Variants in NRXN1 observed in about 807,000 individuals in gnomAD.
The protein encoded by NRXN1 is neurexin 1.
Under a neutral mutation model 150.9 loss-of-function variants are expected in NRXN1, and 39 were observed. That is an observed-to-expected ratio of 0.26 (90% CI 0.20 to 0.34). The LOEUF (loss-of-function observed/expected upper bound fraction) is 0.34, where lower values mean the gene tolerates loss of function less well. Among genes scored for constraint, NRXN1 ranks in the 10% least tolerant of loss-of-function variants. The probability of loss-of-function intolerance (pLI) is 1.00; values close to 1 mark genes in which losing one functional copy is unlikely to be tolerated. For synonymous variants in NRXN1, 924 were observed against 757.0 expected (o/e 1.22, Z -3.62); for missense variants, 1,815 against 1,949.9 (o/e 0.93, Z 1.30).
At chr2:50,087,972 A>C (rs772301717) in intron 19 of NRXN1, among the ~76,000 whole-genome samples, 7 of 152,154 alleles carry the variant, frequency 4.6e-5, no homozygotes, top group Non-Finnish European at 8.8e-5. Context: ...TTCAATCCTT[A>C]TTACCTATAT....
chr2:49,974,510 T>C (rs1002719011), intron 21 of NRXN1, among the ~76,000 whole-genome samples: 2 of 152,200 alleles, frequency 1.3e-5, no homozygotes, highest in African/African-American at 4.8e-5. Context: ...TCCCCAGCCC[T>C]TAAACTGTTA....
intron 8 of NRXN1, among the ~76,000 whole-genome samples, chr2:50,560,970 A>G (rs1668985066): frequency 6.6e-6 from 1 of 152,228 alleles, no homozygotes; most frequent in South Asian, 2.1e-4. Flanking sequence ...TATTTAAAAC[A>G]AAAAAATAGT....
At chr2:50,356,284 TGGAA>T (rs144260735) in intron 17 of NRXN1, among the ~76,000 whole-genome samples, 20 of 152,312 alleles carry the variant, frequency 1.3e-4, no homozygotes, top group African/African-American at 4.6e-4. Flanking sequence ...CTATAAGAGT[TGGAA>T]AAACTTCTAG....
At chr2:50,639,969 G>T (rs1247729089) in intron 5 of NRXN1, among the ~76,000 whole-genome samples, 2 of 151,982 alleles carry the variant, frequency 1.3e-5, no homozygotes, top group Non-Finnish European at 2.9e-5. Flanking sequence ...ATATCATTTT[G>T]TAATAAAAAT....
At chr2:49,953,133 G>A (rs188468982) in intron 21 of NRXN1, among the ~76,000 whole-genome samples, 35 of 152,234 alleles carry the variant, frequency 2.3e-4, no homozygotes, top group African/African-American at 6.3e-4. Flanking sequence ...GGATAGATGA[G>A]AACTTCCATT....
intron 17 of NRXN1, among the ~76,000 whole-genome samples, chr2:50,383,713 A>T (rs1572766602): frequency 6.6e-6 from 1 of 152,212 alleles, no homozygotes; most frequent in African/African-American, 2.4e-5. Context: ...TATACATTTG[A>T]CAAATCTTTT....
At chr2:50,175,867 T>G (rs994915177) in intron 18 of NRXN1, among the ~76,000 whole-genome samples, 3 of 152,170 alleles carry the variant, frequency 2.0e-5, no homozygotes, top group African/African-American at 4.8e-5. Context: ...TCATATTATG[T>G]GCTTCAGGTA....
intron 22 of NRXN1, among the ~76,000 whole-genome samples, chr2:49,925,281 C>CAAAAA (rs772838099): frequency 2.0e-4 from 16 of 80,840 alleles, no homozygotes; most frequent in African/African-American, 2.6e-4. Context: ...CTGCCTCAAC[C>CAAAAA]AAAAAAAAAA....
intron 21 of NRXN1, among the ~76,000 whole-genome samples, chr2:49,945,876 G>T (rs1387030504): frequency 6.6e-6 from 1 of 152,130 alleles, no homozygotes; most frequent in African/African-American, 2.4e-5. Flanking sequence ...ATAGTAAAAT[G>T]ATTTATAATC....
intron 2 of NRXN1, among the ~76,000 whole-genome samples, chr2:50,944,168 G>A (rs779374818): frequency 3.9e-5 from 6 of 152,166 alleles, no homozygotes; most frequent in African/African-American, 1.4e-4. Flanking sequence ...GCAGGACTAT[G>A]TATTTAGTTT....
At chr2:50,870,174 C>T (rs1167317280) in intron 5 of NRXN1, among the ~76,000 whole-genome samples, 1 of 151,832 alleles carries the variant, frequency 6.6e-6, no homozygotes, top group African/African-American at 2.4e-5. Flanking sequence ...TATAAAAATA[C>T]ATTACTCTCC....
intron 5 of NRXN1, among the ~76,000 whole-genome samples, chr2:50,750,372 C>T (rs543150547): frequency 1.3e-4 from 19 of 151,624 alleles, no homozygotes; most frequent in African/African-American, 4.6e-4. Context: ...CACAGAAAAC[C>T]TGACTACAAT....
chr2:50,869,078 C>A (rs918662986), intron 5 of NRXN1, among the ~76,000 whole-genome samples: 1 of 151,694 alleles, frequency 6.6e-6, no homozygotes, highest in Non-Finnish European at 1.5e-5. Flanking sequence ...AGACACAATG[C>A]CATTGTGTTT....
intron 17 of NRXN1, among the ~76,000 whole-genome samples, chr2:50,360,359 G>C (rs2079102740): frequency 1.3e-5 from 2 of 152,226 alleles, no homozygotes; most frequent in South Asian, 4.2e-4. Flanking sequence ...GTATTCAGGA[G>C]ACCCATCTCA....
At chr2:50,393,607 T>G (rs1383709482) in intron 17 of NRXN1, among the ~76,000 whole-genome samples, 3 of 152,162 alleles carry the variant, frequency 2.0e-5, no homozygotes, top group Non-Finnish European at 4.4e-5. Flanking sequence ...ATGTATATTG[T>G]TCCTCACTTT....
intron 8 of NRXN1, chr2:50,616,351 G>A (rs1290493647): frequency 2.0e-5 from 3 of 152,178 alleles, no homozygotes; most frequent in African/African-American, 7.2e-5. Context: ...CTTTCCAATT[G>A]AGGGTTAGTT....
At chr2:50,669,424 C>G (rs1204085736) in intron 5 of NRXN1, among the ~76,000 whole-genome samples, 7 of 151,926 alleles carry the variant, frequency 4.6e-5, no homozygotes, top group Admixed American at 4.6e-4. Flanking sequence ...CAAACAGAAA[C>G]TATCTTTTTG....
intron 5 of NRXN1, among the ~76,000 whole-genome samples, chr2:50,791,071 A>G (rs1419462461): frequency 6.6e-6 from 1 of 151,856 alleles, no homozygotes; most frequent in Non-Finnish European, 1.5e-5. Flanking sequence ...ACAGCAACTA[A>G]AAGTGGATTT....
chr2:50,211,872 G>A (rs1032590821), intron 18 of NRXN1, among the ~76,000 whole-genome samples: 4 of 151,420 alleles, frequency 2.6e-5, no homozygotes, highest in Admixed American at 6.6e-5. Context: ...CAGGAAATAC[G>A]TGTTCTTCGT....
Sources: allele counts gnomAD v4.1 joint callset (sites outside exome capture counted in the v4.1 genomes callset), GRCh38; gene constraint gnomAD v4.1.1; transcripts MANE v1.5; gene names NCBI Gene and HGNC (gene_info 2026-07-23, HGNC 2026-07-21).